The following KAT6B variants were observed in gnomAD, a reference collection of about 807,000 sequenced individuals.
The protein encoded by KAT6B is lysine acetyltransferase 6B, also known as histone acetyltransferase KAT6B.
In KAT6B, 10 loss-of-function variants were observed where a neutral mutation model predicts 187.5. The observed-to-expected ratio is 0.05, with a 90% CI of 0.03 to 0.09. The LOEUF (loss-of-function observed/expected upper bound fraction) is 0.09, where lower values mean the gene tolerates loss of function less well. Among genes scored for constraint, KAT6B ranks in the 10% least tolerant of loss-of-function variants. The pLI, the probability that KAT6B is intolerant of heterozygous loss-of-function variation, is 1.00. For missense variants in KAT6B, 1,952 were observed against 2,558.9 expected, an observed-to-expected ratio of 0.76 and a Z score of 5.12; for synonymous variants, 861 against 926.8, an observed-to-expected ratio of 0.93 and a Z score of 1.29.
Position 74,953,403 on chromosome 10 carries a change from T to C in KAT6B, c.622-6567T>C, listed in dbSNP as rs538856898. ...TAGAACTTTGTAGTTTACAAAATAC[T>C]TTCCACACTCACTCACATTTGAACT... On this transcript the variant is annotated intron_variant, in intron 3 of 17. Coordinates refer to ENST00000287239, the MANE Select transcript of KAT6B (RefSeq NM_012330.4). Among the ~76,000 whole-genome samples the C allele has an allele frequency of 4.3e-4, 65 of 152,336 alleles. 2 individuals carry two copies. In the East Asian group the frequency reaches 7.7e-3, roughly 18 times the overall value.
At position 74,981,805 on chromosome 10, in the gene KAT6B, G is replaced by A. The variant is rs773341895; in HGVS notation, c.2250G>A (p.Leu750=). The A allele has an allele frequency of 1.1e-5, 17 of 1,543,196 alleles. No homozygotes were observed. The highest frequency in any genetic ancestry group is 6.7e-5 in the Admixed American group (4 of 59,896). The change falls in exon 11 of 18, where the codon CTG becomes CTA. Residue 750 remains leucine, a synonymous_variant. Coordinates refer to ENST00000287239, the MANE Select transcript of KAT6B (RefSeq NM_012330.4). Reference sequence around the variant, plus strand: ...TTAACAGATTACCAAAGCTTTACCTGTGTGAATTCTGTCTTAAATATATGA... The same window carrying A: ...TTAACAGATTACCAAAGCTTTACCTATGTGAATTCTGTCTTAAATATATGA... ...QEYARLPKLY[L]CEFCLKYMKS... is the part of the protein sequence containing the mutation.
At chr10:74,853,547 G>T (rs1250936856) in intron 3 of KAT6B, among the ~76,000 whole-genome samples, 1 of 151,590 alleles carries the variant, frequency 6.6e-6, no homozygotes, top group Non-Finnish European at 1.5e-5. Context: ...ACACACCTCG[G>T]CCTCCCAAAG....
intron 3 of KAT6B, among the ~76,000 whole-genome samples, chr10:74,847,168 C>T (rs888289659): frequency 1.3e-5 from 2 of 152,136 alleles, no homozygotes; most frequent in Admixed American, 1.3e-4. Flanking sequence ...TGTTACTGCT[C>T]TTTTTATGAT....
chr10:74,978,370 C>T (rs1231556344), intron 9 of KAT6B, among the ~76,000 whole-genome samples: 2 of 152,178 alleles, frequency 1.3e-5, no homozygotes, highest in Non-Finnish European at 2.9e-5. Context: ...AAAACTCCTA[C>T]GTTGATCAGT....
At chr10:74,859,304 T>C (rs1402545605) in intron 3 of KAT6B, among the ~76,000 whole-genome samples, 2 of 150,442 alleles carry the variant, frequency 1.3e-5, no homozygotes, top group Non-Finnish European at 3.0e-5. Context: ...AGGCTGGTTT[T>C]GAACCCCTGG....
At chr10:74,951,176 C>T (rs1385690446) in intron 3 of KAT6B, among the ~76,000 whole-genome samples, 3 of 151,258 alleles carry the variant, frequency 2.0e-5, no homozygotes, top group Non-Finnish European at 2.9e-5. Flanking sequence ...GTTGCCCAGG[C>T]TGGAGTGCAG....
chr10:75,018,408 G>T (rs1845144128), intron 13 of KAT6B, among the ~76,000 whole-genome samples: 1 of 152,180 alleles, frequency 6.6e-6, no homozygotes, highest in South Asian at 2.1e-4. Context: ...GTGCTAAAAG[G>T]TTTATGCCTA....
At chr10:75,026,336 C>G (rs1487612726) in intron 17 of KAT6B, among the ~76,000 whole-genome samples, 1 of 152,128 alleles carries the variant, frequency 6.6e-6, no homozygotes, top group Non-Finnish European at 1.5e-5. Flanking sequence ...CCTTGCCTGT[C>G]AGGTTGAGAA....
At chr10:74,961,287 GTCGTTA>G (rs1169747856) in intron 4 of KAT6B, among the ~76,000 whole-genome samples, 2 of 152,124 alleles carry the variant, frequency 1.3e-5, no homozygotes, top group African/African-American at 4.8e-5. Context: ...TTCTGACTCT[GTCGTTA>G]TCTTTTGGGT....
At chr10:74,878,528 GA>G (rs1352296617) in intron 3 of KAT6B, among the ~76,000 whole-genome samples, 2 of 151,000 alleles carry the variant, frequency 1.3e-5, no homozygotes, top group African/African-American at 4.9e-5. Flanking sequence ...GCTGAGGCAG[GA>G]GAATCACTTG....
intron 4 of KAT6B, among the ~76,000 whole-genome samples, chr10:74,966,399 T>C (rs2133603411): frequency 6.6e-6 from 1 of 152,284 alleles, no homozygotes; most frequent in South Asian, 2.1e-4. Context: ...TGTTTACAGG[T>C]TATGGGAATT....
intron 2 of KAT6B, among the ~76,000 whole-genome samples, chr10:74,839,916 A>G (rs1841603740): frequency 6.6e-6 from 1 of 152,262 alleles, no homozygotes; most frequent in Admixed American, 6.5e-5. Context: ...TAATGAAACA[A>G]AAGTGAGTAC....
intron 13 of KAT6B, among the ~76,000 whole-genome samples, chr10:75,018,521 G>T (rs555934329): frequency 6.6e-6 from 1 of 152,342 alleles, no homozygotes; most frequent in East Asian, 1.9e-4. Context: ...GGGTGTGAAA[G>T]CATGAACAGC....
chr10:74,883,263 G>T (rs1350266369), intron 3 of KAT6B, among the ~76,000 whole-genome samples: 1 of 152,230 alleles, frequency 6.6e-6, no homozygotes, highest in African/African-American at 2.4e-5. Context: ...GCTGTCTGAG[G>T]ATTACCTGTC....
In KAT6B at chr10:74,986,766, C is replaced by G. The variant is rs146736189; in HGVS notation, c.2535+1525C>G. Among the ~76,000 whole-genome samples the G allele has an allele frequency of 1.3e-3, 204 of 152,318 alleles. 2 individuals carry two copies. The highest frequency in any genetic ancestry group is 0.01 in the Middle Eastern group (3 of 294). On this transcript the variant is annotated intron_variant, in intron 12 of 17. Coordinates refer to ENST00000287239, the MANE Select transcript of KAT6B (RefSeq NM_012330.4). The stretch of plus-strand genomic sequence containing the variant: ...TTTATGTAGGTTTGTCAAGATCATT[C>G]TTCTCCAGAAACTTAAAAAGAATAG...
Position 74,843,329 on chromosome 10 carries a change from C to T in KAT6B, c.472C>T (p.Arg158Cys). ...FQQRLRLGAK[R>C]AVNNGRLLKD... Reference sequence around the variant, plus strand: ...GCAGCGGCTGCGACTGGGGGCCAAACGCGCTGTGAATAATGGGAGGTTACT... The same window carrying T: ...GCAGCGGCTGCGACTGGGGGCCAAATGCGCTGTGAATAATGGGAGGTTACT... Residue 158 changes from arginine to cysteine, a missense_variant, in exon 3 of 18, where the codon CGC (arginine) becomes TGC (cysteine). Arg to Cys is a radical substitution (Grantham distance 180). Coordinates refer to ENST00000287239, the MANE Select transcript of KAT6B (RefSeq NM_012330.4). The T allele has an allele frequency of 1.9e-6, 3 of 1,613,482 alleles. No individual in the cohort carries two copies. Among genetic ancestry groups the T allele is most frequent in the Non-Finnish European group, 2.5e-6 (3 of 1,179,694 alleles).
At position 74,969,778 on chromosome 10, in the gene KAT6B, A is replaced by G. The variant is rs755790884; in HGVS notation, c.846+3A>G. ...GTAGAGTCCAAGGCAGAAATGCTGT[A>G]AGTATGGCTCCCGTAATCCGCCTCC... On this transcript the variant is annotated splice_donor_region_variant and intron_variant, in intron 5 of 17. Coordinates refer to ENST00000287239, the MANE Select transcript of KAT6B (RefSeq NM_012330.4). The G allele has an allele frequency of 1.5e-5, 24 of 1,592,766 alleles. No individual in the cohort carries two copies. The highest frequency in any genetic ancestry group is 2.6e-6 in the Non-Finnish European group (3 of 1,160,620).
intron 3 of KAT6B, among the ~76,000 whole-genome samples, chr10:74,846,792 A>G (rs897046078): frequency 4.6e-5 from 7 of 152,222 alleles, no homozygotes; most frequent in Admixed American, 6.5e-5. Context: ...TTAAGGGACT[A>G]TAGAGCCATT....
chr10:74,846,545 T>C (rs1842114477), intron 3 of KAT6B, among the ~76,000 whole-genome samples: 1 of 152,130 alleles, frequency 6.6e-6, no homozygotes, highest in South Asian at 2.1e-4. Flanking sequence ...TTCAAGTGAT[T>C]TCCTTGCCTT....
Sources: gnomAD v4.1 joint callset for allele counts (sites outside exome capture counted in the v4.1 genomes callset) on GRCh38, gnomAD v4.1.1 for gene constraint, MANE v1.5 for transcripts, NCBI Gene and HGNC (gene_info 2026-07-23, HGNC 2026-07-21) for gene names.